Variants in OPN5 observed in about 807,000 individuals in gnomAD.
OPN5 encodes opsin-5.
OPN5 carries 18 observed loss-of-function variants against 41.7 expected under a neutral mutation model. That is an observed-to-expected ratio of 0.43 (90% CI 0.30 to 0.64). The LOEUF is 0.64. Ranked by LOEUF, OPN5 falls within the 30% of genes least tolerant of loss-of-function variation. OPN5 has a pLI of 0.13. For synonymous variants in OPN5, 178 were observed against 164.3 expected (o/e 1.08, Z -0.64); for missense variants, 318 against 434.5 (o/e 0.73, Z 2.38).
chr6:47,798,134 A>G (rs557072546), intron 4 of OPN5, among the ~76,000 whole-genome samples: 2 of 152,124 alleles, frequency 1.3e-5, no homozygotes, highest in Non-Finnish European at 2.9e-5. Flanking sequence ...ACTAAATGAT[A>G]TTATAGCACA....
intron 5 of OPN5, among the ~76,000 whole-genome samples, chr6:47,809,516 A>T (rs1048291369): frequency 5.9e-5 from 9 of 152,248 alleles, no homozygotes; most frequent in African/African-American, 2.2e-4. Context: ...ACACAATTTG[A>T]AGATAGAAGA....
intron 2 of OPN5, among the ~76,000 whole-genome samples, chr6:47,790,052 C>T (rs905812260): frequency 6.6e-6 from 1 of 151,992 alleles, no homozygotes; most frequent in East Asian, 1.9e-4. Context: ...AAATCTGGAT[C>T]TGGTTGTAAA....
chr6:47,806,749 C>T (rs1206218078), intron 4 of OPN5, among the ~76,000 whole-genome samples: 1 of 152,220 alleles, frequency 6.6e-6, no homozygotes, highest in Non-Finnish European at 1.5e-5. Flanking sequence ...TCTCCTACCA[C>T]AGTGAATTGC....
chr6:47,808,217 T>C, exon 5 of OPN5: 1 of 1,613,992 alleles, frequency 6.2e-7, no homozygotes, highest in East Asian at 2.2e-5. Flanking sequence ...GGTGTCTGTG[T>C]GGTCAGCTTT....
At chr6:47,787,799 T>C (rs568428898) in intron 2 of OPN5, among the ~76,000 whole-genome samples, 1 of 152,096 alleles carries the variant, frequency 6.6e-6, no homozygotes, top group African/African-American at 2.4e-5. Flanking sequence ...AAATAAAAAA[T>C]AGCTGGGCAC....
At chr6:47,817,796 T>C (rs1332267679) in intron 6 of OPN5, among the ~76,000 whole-genome samples, 1 of 152,176 alleles carries the variant, frequency 6.6e-6, no homozygotes, top group African/African-American at 2.4e-5. Context: ...ACTTGGAGTC[T>C]TGAAAGTATC....
chr6:47,809,005 T>G (rs1360029594), intron 5 of OPN5, among the ~76,000 whole-genome samples: 1 of 152,226 alleles, frequency 6.6e-6, no homozygotes, highest in Non-Finnish European at 1.5e-5. Flanking sequence ...AAATTCAAAT[T>G]CAAGTCTACT....
At chr6:47,797,761 C>T (rs997937852) in intron 4 of OPN5, among the ~76,000 whole-genome samples, 3 of 152,160 alleles carry the variant, frequency 2.0e-5, no homozygotes, top group South Asian at 2.1e-4. Flanking sequence ...ACTTTGTTGG[C>T]CTTGCTCAAT....
At chr6:47,812,581 C>A (rs1581754729) in intron 6 of OPN5, among the ~76,000 whole-genome samples, 2 of 152,174 alleles carry the variant, frequency 1.3e-5, no homozygotes, top group East Asian at 1.9e-4. Context: ...AAGACAGATT[C>A]CTGCCTTTTA....
At chr6:47,798,902 T>G (rs1773666088) in intron 4 of OPN5, among the ~76,000 whole-genome samples, 1 of 152,160 alleles carries the variant, frequency 6.6e-6, no homozygotes, top group African/African-American at 2.4e-5. Context: ...GCTTGCTCTC[T>G]TGGTACTTCT....
chr6:47,824,226 C>G, exon 7 of OPN5: 1 of 557,980 alleles, frequency 1.8e-6, no homozygotes, highest in Non-Finnish European at 3.2e-6. Context: ...CTAAAGAGTG[C>G]CAGAAACCCA....
At chr6:47,822,585 G>C (rs925579300) in intron 6 of OPN5, among the ~76,000 whole-genome samples, 4 of 152,170 alleles carry the variant, frequency 2.6e-5, no homozygotes, top group Admixed American at 2.6e-4. Flanking sequence ...GGCACATCCA[G>C]AGTAGTTGGT....
intron 5 of OPN5, among the ~76,000 whole-genome samples, chr6:47,808,793 T>A (rs1245974261): frequency 6.6e-6 from 1 of 152,130 alleles, no homozygotes; most frequent in African/African-American, 2.4e-5. Flanking sequence ...TACCACTAGC[T>A]AAGGGCATAA....
intron 2 of OPN5, among the ~76,000 whole-genome samples, chr6:47,787,864 TCCAG>T (rs1460512204): frequency 1.3e-5 from 2 of 152,156 alleles, no homozygotes; most frequent in Admixed American, 1.3e-4. Flanking sequence ...ACCACTGCAC[TCCAG>T]CCTGGGTGAA....
intron 5 of OPN5, among the ~76,000 whole-genome samples, chr6:47,809,740 A>G (rs1375159620): frequency 6.6e-6 from 1 of 152,210 alleles, no homozygotes; most frequent in African/African-American, 2.4e-5. Context: ...TTTGCTGTTG[A>G]ATTGAACAGT....
intron 6 of OPN5, chr6:47,823,240 G>A (rs1410845615): frequency 1.3e-5 from 2 of 152,220 alleles, no homozygotes; most frequent in Non-Finnish European, 2.9e-5. Context: ...CTTCAAGGAG[G>A]AAGCACTATT....
At chr6:47,806,592 A>G (rs189096445) in intron 4 of OPN5, among the ~76,000 whole-genome samples, 1 of 152,292 alleles carries the variant, frequency 6.6e-6, no homozygotes, top group East Asian at 1.9e-4. Flanking sequence ...TTTACTCTAC[A>G]GGCTAATCCT....
intron 2 of OPN5, among the ~76,000 whole-genome samples, chr6:47,788,383 C>G (rs1442843531): frequency 3.3e-5 from 5 of 152,208 alleles, no homozygotes; most frequent in Admixed American, 2.0e-4. Flanking sequence ...CATTGCTGAA[C>G]TAGACTAGGC....
intron 6 of OPN5, among the ~76,000 whole-genome samples, chr6:47,822,276 G>A (rs1762649329): frequency 2.0e-5 from 3 of 152,026 alleles, no homozygotes; most frequent in Non-Finnish European, 2.9e-5. Flanking sequence ...GCAGAGAGAG[G>A]GTAATTAGAT....
Sources: allele counts gnomAD v4.1 joint callset (sites outside exome capture counted in the v4.1 genomes callset), GRCh38; gene constraint gnomAD v4.1.1; transcripts MANE v1.5; gene names NCBI Gene and HGNC (gene_info 2026-07-23, HGNC 2026-07-21).